Variants in ZIC4 observed in about 807,000 individuals in gnomAD.
The protein encoded by ZIC4 is Zic family zinc finger 4, also known as zinc finger protein ZIC 4.
ZIC4 carries 15 observed loss-of-function variants against 28.8 expected under a neutral mutation model. That is an observed-to-expected ratio of 0.52 (90% CI 0.35 to 0.80). The LOEUF is 0.80. ZIC4 is among the 30% of genes least tolerant of loss of function. The pLI is 0.01. For synonymous variants in ZIC4, 220 were observed against 198.1 expected (o/e 1.11, Z -0.93); for missense variants, 512 against 467.1 (o/e 1.10, Z -0.89).
chr3:147,388,899 C>A (rs759190214), intron 4 of ZIC4, 40 bp from the exon 5 acceptor site: 6 of 778,304 alleles, frequency 7.7e-6, no homozygotes, highest in South Asian at 5.4e-5. Context: ...GATTAGTGGC[C>A]GACCAAACAT....
chr3:147,402,559 A>G (rs938645900), intron 2 of ZIC4, among the ~76,000 whole-genome samples, 169 bp downstream of exon 2: 3 of 152,104 alleles, frequency 2.0e-5, no homozygotes, highest in African/African-American at 7.2e-5. Context: ...GTGCAAATGT[A>G]TTGAACACTA....
rs576631977 is a variant in ZIC4 at position 147,403,287 on chromosome 3, T to C, written c.-15-475A>G. ...ACTGTTGGAACCAAGAGGAGAGGAA[T>C]TTCTTTGCAGGTTTTCAAATCCTGT... On this transcript the variant is annotated intron_variant, in intron 1 of 4. Transcript: ENST00000383075. Among the ~76,000 whole-genome samples the C allele has an allele frequency of 2.0e-5, 3 of 152,260 alleles. No individual in the cohort carries two copies. In the South Asian group the frequency reaches 6.2e-4, roughly 32 times the overall value.
rs1188822053 is a variant in ZIC4 at position 147,388,684 on chromosome 3, C to G, written c.*175G>C. 2 of 610,940 alleles carry G rather than the reference C, an allele frequency of 3.3e-6. No homozygotes were observed. 37.8% of individuals were successfully genotyped at this position (610,940 alleles called of 1,614,324 possible). A position where few individuals can be genotyped will look rare whatever the true frequency, so the allele number is the denominator to read the frequency against. On this transcript the variant is annotated 3_prime_UTR_variant, in exon 5 of 5. Transcript: ENST00000383075. ...AAGCCTGGACGGGCTCCAGGCTTGGCCTTTCAGGATTTCAGTGCGACTTGC... is the reference window on the plus strand; with the variant it reads ...AAGCCTGGACGGGCTCCAGGCTTGGGCTTTCAGGATTTCAGTGCGACTTGC...
chr3:147,397,094 T>G (rs1027447563), intron 2 of ZIC4: 2 of 151,926 alleles, frequency 1.3e-5, no homozygotes, highest in African/African-American at 4.8e-5. Flanking sequence ...TTTTTCTTTC[T>G]TTCTTTCTCT....
chr3:147,391,134 C>A lies in ZIC4; in HGVS notation c.801G>T (p.Lys267Asn). ...VHTSDKPYTC[K>N]VRGCDKCYTH... ...TGTAGCACTTGTCGCAGCCCCGCAC[C>A]TTGCACGTGTATGGCTTGTCGCTAG... Residue 267 changes from lysine (K) to asparagine (N), a missense_variant, in exon 4 of 5, where the codon AAG (lysine) becomes AAT (asparagine). Physicochemically the swap from Lys to Asn is moderately conservative, Grantham distance 94. This residue lies in a region of ZIC4 where 144 missense variants were observed against 116.8 expected (regional missense o/e 1.23). Coordinates refer to ENST00000383075, the MANE Select transcript of ZIC4 (RefSeq NM_032153.6). The A allele has an allele frequency of 6.2e-7, 1 of 1,614,036 alleles. No homozygotes were observed. Among genetic ancestry groups the A allele is most frequent in the Non-Finnish European group, 8.5e-7 (1 of 1,179,880 alleles).
At chr3:147,402,670 G>T in intron 2 of ZIC4, 58 bp downstream of exon 2, 6 of 1,151,086 alleles carry the variant, frequency 5.2e-6, no homozygotes, top group East Asian at 2.7e-5. Context: ...AAAAAAAAAA[G>T]AAGAAGAAGA....
At chr3:147,394,117 C>CCCTCT (rs1553766572) in intron 3 of ZIC4, among the ~76,000 whole-genome samples, 1 of 145,214 alleles carries the variant, frequency 6.9e-6, no homozygotes, top group Admixed American at 6.8e-5. Context: ...ATTTTTTTTC[C>CCCTCT]CTCTCTCTCT....
chr3:147,390,405 G>T (rs1051477923), intron 4 of ZIC4, among the ~76,000 whole-genome samples: 1 of 149,954 alleles, frequency 6.7e-6, no homozygotes, highest in African/African-American at 2.4e-5. Context: ...TGGGGGAGGG[G>T]AGGGTTAGAG....
At chr3:147,403,367 C>T (rs964019643) in intron 1 of ZIC4, among the ~76,000 whole-genome samples, 2 of 152,140 alleles carry the variant, frequency 1.3e-5, no homozygotes, top group African/African-American at 4.8e-5. Flanking sequence ...ACCCCAGACC[C>T]ATTTGGGATT....
chr3:147,400,743 AT>A (rs996177444), intron 2 of ZIC4, among the ~76,000 whole-genome samples: 40 of 152,258 alleles, frequency 2.6e-4, no homozygotes, highest in African/African-American at 9.1e-4. Flanking sequence ...TGAGAGGTAT[AT>A]TTTAGTCTTT....
intron 3 of ZIC4, chr3:147,394,053 C>T (rs931826118): frequency 1.1e-5 from 5 of 441,744 alleles, no homozygotes; most frequent in Admixed American, 4.9e-5. Flanking sequence ...CCTGTTGAAT[C>T]GAGAACTGTC....
rs935413809 is a variant in ZIC4 at position 147,387,507 on chromosome 3, C to T, written c.*1352G>A. The T allele has an allele frequency of 2.0e-5, 3 of 152,628 alleles. No individual in the cohort carries two copies. Among genetic ancestry groups the T allele is most frequent in the Non-Finnish European group, 2.9e-5 (2 of 68,038 alleles). The allele number at this position is 152,628 out of a possible 1,614,324, so 9.5% of individuals were successfully genotyped here. The stretch of plus-strand genomic sequence containing the variant: ...CATCCTTTTTATTCAACCACAAGGA[C>T]TGGCACTAAAGAAGACTCCACTGTT... On this transcript the variant is annotated 3_prime_UTR_variant, in exon 5 of 5. Coordinates refer to ENST00000383075, the MANE Select transcript of ZIC4 (RefSeq NM_032153.6).
At chr3:147,392,509 G>A (rs1211034535) in intron 3 of ZIC4, 2 of 906,022 alleles carry the variant, frequency 2.2e-6, no homozygotes, top group Admixed American at 6.2e-5. Context: ...CAAGTGCTGC[G>A]GAAATGGGGG....
rs1287040649 is a variant in ZIC4 at position 147,394,259 on chromosome 3, GT to G, written c.688+1592del. Among the ~76,000 whole-genome samples the G allele has an allele frequency of 4.0e-5, 6 of 150,896 alleles. No homozygotes were observed. The East Asian group carries it at 7.9e-4, about 20-fold the overall frequency. On this transcript the variant is annotated intron_variant, in intron 3 of 4. Transcript: ENST00000383075. ...GTTTGTTTGTTTGTTTTTGTTTGTT[GT>G]TTCCCCCACCCCCCACCGCTAATGA... is the stretch of plus-strand genomic sequence containing the variant.
At chr3:147,392,515 G>A (rs1481026358) in intron 3 of ZIC4, 1 of 885,426 alleles carries the variant, frequency 1.1e-6, no homozygotes, top group Non-Finnish European at 1.4e-6. Flanking sequence ...CTGCGGAAAT[G>A]GGGGAAGAAG....
chr3:147,398,559 A>T (rs950736562), intron 2 of ZIC4, among the ~76,000 whole-genome samples: 11 of 152,202 alleles, frequency 7.2e-5, no homozygotes, highest in Non-Finnish European at 1.3e-4. Context: ...GTCTGAGCCG[A>T]CCGGCTAAGG....
chr3:147,391,116 C>G lies in ZIC4; in HGVS notation c.819G>C (p.Lys273Asn). 6.2e-7 allele frequency: 1 copy of G among 1,614,182 alleles called. No homozygotes were observed. Among genetic ancestry groups the G allele is most frequent in the South Asian group, 1.1e-5 (1 of 91,088 alleles). ...PYTCKVRGCD[K>N]CYTHPSSLRK... is the part of the protein sequence containing the mutation. ...GCAGCGAGCTGGGGTGCGTGTAGCA[C>G]TTGTCGCAGCCCCGCACCTTGCACG... is the stretch of plus-strand genomic sequence containing the variant. Residue 273 changes from lysine (K) to asparagine (N), a missense_variant, in exon 4 of 5, where the codon AAG (lysine) becomes AAC (asparagine). Transcript: ENST00000383075.
intron 1 of ZIC4, among the ~76,000 whole-genome samples, 168 bp from the exon 2 acceptor site, chr3:147,402,980 G>A (rs969695336): frequency 1.3e-5 from 2 of 152,068 alleles, no homozygotes; most frequent in Non-Finnish European, 2.9e-5. Flanking sequence ...GGATTTTGCC[G>A]GGAACAGCCC....
chr3:147,396,232 A>G lies in ZIC4; in HGVS notation c.308T>C (p.Leu103Pro). ...AALHGYGGMN[L>P]TVNLAAPHGP... ...GTGGGGCGCAGCGAGGTTCACCGTC[A>G]GGTTCATGCCCCCGTAGCCATGCAG... Residue 103 changes from leucine to proline, a missense_variant, in exon 3 of 5, where the codon CTG becomes CCG. Leu to Pro is a moderately conservative substitution (Grantham distance 98). This residue lies in a region of ZIC4 where 310 missense variants were observed against 256.5 expected (regional missense o/e 1.21). Coordinates refer to ENST00000383075, the MANE Select transcript of ZIC4 (RefSeq NM_032153.6). This position sits in a 1 kb window ranked among gnomAD's most constrained non-coding sequence, Gnocchi z 4.2. 1.9e-6 allele frequency: 3 copies of G among 1,613,842 alleles called. No homozygotes were observed. Among genetic ancestry groups the G allele is most frequent in the Non-Finnish European group, 2.5e-6 (3 of 1,179,904 alleles).
Sources: gnomAD v4.1 joint callset for allele counts (sites outside exome capture counted in the v4.1 genomes callset) on GRCh38, gnomAD v4.1.1 for gene constraint, gnomAD v4.1.1 regional missense constraint, Gnocchi (gnomAD v3.1) non-coding constraint, MANE v1.5 for transcripts, NCBI Gene and HGNC (gene_info 2026-07-23, HGNC 2026-07-21) for gene names.